Variants in PRIM2 observed in about 807,000 individuals in gnomAD.
PRIM2 encodes the protein DNA primase subunit 2, also known as DNA primase large subunit.
Under a neutral mutation model 67.3 loss-of-function variants are expected in PRIM2, and 39 were observed. The observed-to-expected ratio is 0.58, with a 90% CI of 0.45 to 0.76. PRIM2 has a LOEUF of 0.76. Among genes scored for constraint, PRIM2 ranks in the 30% least tolerant of loss-of-function variants. The pLI, the probability that PRIM2 is intolerant of heterozygous loss-of-function variation, is 0.00. For synonymous variants in PRIM2, 143 were observed against 198.7 expected (o/e 0.72, Z 2.36); for missense variants, 398 against 598.7 (o/e 0.66, Z 3.50).
chr6:57,442,156 CT>C (rs1410069182), intron 7 of PRIM2, among the ~76,000 whole-genome samples: 1 of 151,784 alleles, frequency 6.6e-6, no homozygotes, highest in Non-Finnish European at 1.5e-5. Context: ...CAACTTCTTC[CT>C]TTTTCTCCTG....
At chr6:57,278,236 A>G in the PRIM2 span, among the ~76,000 whole-genome samples, 1 of 151,950 alleles carries the variant, frequency 6.6e-6, no homozygotes, top group Non-Finnish European at 1.5e-5. Flanking sequence ...CTGAGGCAGG[A>G]GAATCACTTG....
intron 10 of PRIM2, among the ~76,000 whole-genome samples, chr6:57,550,643 C>G (rs1442629589): frequency 6.6e-6 from 1 of 151,752 alleles, no homozygotes; most frequent in African/African-American, 2.4e-5. Flanking sequence ...GTCATTTTGC[C>G]AGTGATACCT....
intron 7 of PRIM2, among the ~76,000 whole-genome samples, chr6:57,472,627 A>G (rs1428396067): frequency 3.9e-5 from 6 of 152,206 alleles, no homozygotes; most frequent in East Asian, 3.9e-4. Flanking sequence ...GTGTGGGGCA[A>G]TTTTACCTAA....
At chr6:57,380,620 C>T (rs1581846145) in intron 6 of PRIM2, among the ~76,000 whole-genome samples, 2 of 152,186 alleles carry the variant, frequency 1.3e-5, no homozygotes, top group Admixed American at 1.3e-4. Flanking sequence ...ACTGCAACCC[C>T]ACAATTTCCT....
At chr6:57,274,842 T>A in the PRIM2 span, among the ~76,000 whole-genome samples, 1 of 151,874 alleles carries the variant, frequency 6.6e-6, no homozygotes. Context: ...AGTGGTGTGA[T>A]CTCGGGTCAC....
At chr6:57,543,234 C>T (rs1483452496) in intron 10 of PRIM2, among the ~76,000 whole-genome samples, 18 of 152,018 alleles carry the variant, frequency 1.2e-4, no homozygotes, top group Non-Finnish European at 2.4e-4. Context: ...CCACCGCGCC[C>T]GGCCAGGATA....
At chr6:57,351,904 G>A (rs1768869452) in intron 5 of PRIM2, among the ~76,000 whole-genome samples, 1 of 152,194 alleles carries the variant, frequency 6.6e-6, no homozygotes, top group East Asian at 1.9e-4. Context: ...ATGACCCCGT[G>A]TAAGTTACTG....
chr6:57,599,745 T>C (rs1489355800), intron 10 of PRIM2, among the ~76,000 whole-genome samples: 7 of 152,272 alleles, frequency 4.6e-5, no homozygotes, highest in Non-Finnish European at 7.3e-5. Context: ...TGGTCTACTA[T>C]AGCATTAGGA....
intron 5 of PRIM2, among the ~76,000 whole-genome samples, chr6:57,330,367 G>GTTTTTTTTTTTTTTTTTTTT (rs1345737112): frequency 1.3e-5 from 1 of 78,586 alleles, no homozygotes; most frequent in Non-Finnish European, 2.5e-5. Flanking sequence ...TTTTGTTTTT[G>GTTTTTTTTTTTTTTTTTTTT]TTTTTTTGTT....
chr6:57,320,191 A>G (rs988711023), intron 2 of PRIM2, among the ~76,000 whole-genome samples: 2 of 152,128 alleles, frequency 1.3e-5, no homozygotes, highest in Non-Finnish European at 2.9e-5. Context: ...TTCCTCAGGA[A>G]TGATTATTCA....
At chr6:57,468,622 A>G (rs1773262717) in intron 7 of PRIM2, among the ~76,000 whole-genome samples, 3 of 152,168 alleles carry the variant, frequency 2.0e-5, no homozygotes, top group Admixed American at 1.3e-4. Flanking sequence ...AGGTTTTGGT[A>G]TCAGGATGAT....
At chr6:57,233,549 A>G in the PRIM2 span, among the ~76,000 whole-genome samples, 1 of 150,788 alleles carries the variant, frequency 6.6e-6, no homozygotes, top group Non-Finnish European at 1.5e-5. Context: ...TGCCTGTTCC[A>G]CTCCTAGGGG....
rs1776426724 is a variant in PRIM2, at chr6:57,599,703, C to A, written c.1021-1390C>A. Among the ~76,000 whole-genome samples the A allele has an allele frequency of 2.0e-5, 3 of 152,210 alleles. No individual in the cohort carries two copies. The South Asian group carries it at 6.2e-4, about 32-fold the overall frequency. ...ATCTTTGCACCCACCTCAGTACCAG[C>A]ATGCATGAAGAAGAACATGTGAAGT... On this transcript the variant is annotated intron_variant, in intron 10 of 13. Transcript: ENST00000615550.
chr6:57,299,313 A>C, the PRIM2 span, among the ~76,000 whole-genome samples: 5 of 152,180 alleles, frequency 3.3e-5, no homozygotes, highest in Non-Finnish European at 5.9e-5. Flanking sequence ...TCCTTACTAT[A>C]CCATTTCATA....
intron 11 of PRIM2, among the ~76,000 whole-genome samples, chr6:57,603,060 A>G (rs1161149287): frequency 6.5e-4 from 99 of 152,286 alleles, no homozygotes; most frequent in African/African-American, 2.3e-3. Flanking sequence ...TGTATTTTGC[A>G]TAACAGTACT....
At position 57,645,924 on chromosome 6, in the gene PRIM2, A is replaced by G. The variant is rs1777326306; in HGVS notation, c.1300-4A>G. On this transcript the variant is annotated splice_polypyrimidine_tract_variant and splice_region_variant and intron_variant, in intron 13 of 13. Coordinates refer to ENST00000615550, the MANE Select transcript of PRIM2 (RefSeq NM_000947.5). ...AATGCAATATAAATTTCCTTCCTTT[A>G]CAGGTGGATGATTGTGGCTTTTCTT... is the stretch of plus-strand genomic sequence containing the variant. 38 of 1,466,680 alleles carry G rather than the reference A, an allele frequency of 2.6e-5. No individual in the cohort carries two copies. In the South Asian group the frequency reaches 4.3e-4, roughly 16 times the overall value. 90.9% of individuals were successfully genotyped at this position (1,466,680 alleles called of 1,614,324 possible).
chr6:57,449,322 T>A (rs1458871287), intron 7 of PRIM2, among the ~76,000 whole-genome samples: 4 of 152,164 alleles, frequency 2.6e-5, no homozygotes. Flanking sequence ...GAAAAGTCTT[T>A]AAACAGTTCT....
the PRIM2 span, among the ~76,000 whole-genome samples, chr6:57,292,637 A>T: frequency 6.0e-4 from 92 of 152,324 alleles, 1 homozygote; most frequent in African/African-American, 2.2e-3. Context: ...TGGTACTGGT[A>T]CAAAAACAGA....
At chr6:57,582,234 C>T (rs1399095068) in intron 10 of PRIM2, among the ~76,000 whole-genome samples, 3 of 151,828 alleles carry the variant, frequency 2.0e-5, no homozygotes, top group Admixed American at 1.3e-4. Context: ...GAAGCCTGTT[C>T]CAGCTTTTAA....
Sources: gnomAD v4.1 joint callset for allele counts (sites outside exome capture counted in the v4.1 genomes callset) on GRCh38, gnomAD v4.1.1 for gene constraint, MANE v1.5 for transcripts, NCBI Gene and HGNC (gene_info 2026-07-23, HGNC 2026-07-21) for gene names.